Variants in ABCC9 observed in about 807,000 individuals in gnomAD.
ABCC9 encodes ATP-binding cassette sub-family C member 9.
ABCC9 carries 95 observed loss-of-function variants against 188.3 expected under a neutral mutation model. The observed-to-expected ratio is 0.50, with a 90% CI of 0.43 to 0.60. The LOEUF is 0.60. Ranked by LOEUF, ABCC9 falls within the 20% of genes least tolerant of loss-of-function variation. The probability of loss-of-function intolerance (pLI) is 0.00; values close to 1 mark genes in which losing one functional copy is unlikely to be tolerated. For synonymous variants in ABCC9, 659 were observed against 652.7 expected (o/e 1.01, Z -0.15); for missense variants, 1,102 against 1,876.3 (o/e 0.59, Z 7.62).
At chr12:21,841,971 G>A (rs981395569) in intron 29 of ABCC9, among the ~76,000 whole-genome samples, 7 of 152,166 alleles carry the variant, frequency 4.6e-5, no homozygotes, top group Non-Finnish European at 1.0e-4. Flanking sequence ...CCATGGGGAA[G>A]TGATTCCAGG....
Position 21,805,702 on chromosome 12 carries a change from T to C in ABCC9, c.4512+296A>G, listed in dbSNP as rs151243079. On this transcript the variant is annotated intron_variant, in intron 39 of 39. Transcript: ENST00000261200. The stretch of plus-strand genomic sequence containing the variant: ...CAGATTATAGAAAAGAGAATTATTT[T>C]ATATGAACTACCATTTTATCTGGTG... 3.8e-3 allele frequency among the ~76,000 whole-genome samples: 580 copies of C among 152,292 alleles called. No homozygotes were observed. The highest frequency in any genetic ancestry group is 0.013 in the African/African-American group (549 of 41,562).
intron 12 of ABCC9, among the ~76,000 whole-genome samples, chr12:21,902,140 A>G (rs1947789043): frequency 6.6e-6 from 1 of 152,160 alleles, no homozygotes; most frequent in Non-Finnish European, 1.5e-5. Flanking sequence ...AGGATTAAGA[A>G]ACTCACTCAA....
intron 5 of ABCC9, chr12:21,924,746 T>C (rs1247347068): frequency 1.3e-5 from 2 of 152,100 alleles, no homozygotes; most frequent in African/African-American, 4.8e-5. Context: ...ACATATTTTT[T>C]TGCAGCTACT....
At chr12:21,889,056 C>G (rs564462871) in intron 14 of ABCC9, among the ~76,000 whole-genome samples, 41 of 152,212 alleles carry the variant, frequency 2.7e-4, no homozygotes, top group Non-Finnish European at 5.0e-4. Context: ...CCAGACAAGT[C>G]TTCAGAACTT....
intron 16 of ABCC9, among the ~76,000 whole-genome samples, chr12:21,878,759 G>T (rs1486868164): frequency 7.2e-6 from 1 of 138,396 alleles, no homozygotes; most frequent in Non-Finnish European, 1.7e-5. Context: ...GTCACCTTCT[G>T]ATTTGGTGCT....
At chr12:21,923,494 C>T (rs971979022) in intron 5 of ABCC9, 2 of 215,126 alleles carry the variant, frequency 9.3e-6, no homozygotes, top group South Asian at 3.2e-4. Flanking sequence ...TAGCCACATC[C>T]CAAAGATTAA....
At chr12:21,877,230 T>C (rs1298938894) in intron 16 of ABCC9, among the ~76,000 whole-genome samples, 2 of 152,122 alleles carry the variant, frequency 1.3e-5, no homozygotes, top group African/African-American at 4.8e-5. Flanking sequence ...CATTATGGGC[T>C]CAGTACCAAA....
At position 21,801,195 on chromosome 12, in the gene ABCC9, G is replaced by C. The variant is rs771800460; in HGVS notation, c.4513-14C>G. The stretch of plus-strand genomic sequence containing the variant: ...GTGTACTCGATGCTGTGAGTGAAAA[G>C]AAAACATGTATTTGTTACACATTTC... On this transcript the variant is annotated splice_polypyrimidine_tract_variant and intron_variant, in intron 39 of 39. Coordinates refer to ENST00000261200, the MANE Select transcript of ABCC9 (RefSeq NM_020297.4). 4.3e-6 allele frequency: 7 copies of C among 1,613,552 alleles called. No individual in the cohort carries two copies. The highest frequency in any genetic ancestry group is 5.9e-6 in the Non-Finnish European group (7 of 1,179,822).
intron 16 of ABCC9, among the ~76,000 whole-genome samples, chr12:21,879,869 A>T (rs1946538075): frequency 6.6e-6 from 1 of 152,100 alleles, no homozygotes; most frequent in Admixed American, 6.6e-5. Context: ...AAATCCAGTT[A>T]TAAAGACTTG....
intron 12 of ABCC9, among the ~76,000 whole-genome samples, chr12:21,901,315 G>A (rs750494389): frequency 6.6e-6 from 1 of 152,132 alleles, no homozygotes; most frequent in Non-Finnish European, 1.5e-5. Context: ...CAATAAACAT[G>A]GAAGGGAACA....
intron 31 of ABCC9, among the ~76,000 whole-genome samples, chr12:21,818,482 CTATCTATATATA>C (rs1280437500): frequency 7.9e-6 from 1 of 127,224 alleles, no homozygotes; most frequent in African/African-American, 3.3e-5. Context: ...ATATCTATAT[CTATCTATATATA>C]TATCTATATA....
At chr12:21,905,680 T>A (rs1260434145) in intron 12 of ABCC9, among the ~76,000 whole-genome samples, 1 of 152,178 alleles carries the variant, frequency 6.6e-6, no homozygotes, top group Non-Finnish European at 1.5e-5. Context: ...AGTTAAAGGA[T>A]CTTTGGGGAT....
At chr12:21,817,385 C>T (rs574334586) in intron 32 of ABCC9, 78 bp from the exon 33 acceptor site, 45 of 1,435,926 alleles carry the variant, frequency 3.1e-5, no homozygotes, top group Middle Eastern at 1.7e-4. Flanking sequence ...AATTTTGGAA[C>T]GAGATAACTT....
chr12:21,871,461 A>G (rs948365313), intron 18 of ABCC9, among the ~76,000 whole-genome samples: 2 of 152,162 alleles, frequency 1.3e-5, no homozygotes, highest in Admixed American at 6.5e-5. Flanking sequence ...CAGGATTTAC[A>G]CTTCTAATTT....
In ABCC9 at chr12:21,852,357, T is replaced by C. The variant is rs754704774; in HGVS notation, c.2643+11A>G. The C allele has an allele frequency of 7.4e-6, 12 of 1,613,824 alleles. No individual in the cohort carries two copies. The highest frequency in any genetic ancestry group is 1.1e-5 in the South Asian group (1 of 91,086). On this transcript the variant is annotated intron_variant, in intron 23 of 39. Coordinates refer to ENST00000261200, the MANE Select transcript of ABCC9 (RefSeq NM_020297.4). ...TATAAAAATGAGCAAAATTCTCTTC[T>C]AAACTCTTACCCAGTCAGCATGCGT...
At chr12:21,931,849 G>A (rs1253599593) in intron 4 of ABCC9, among the ~76,000 whole-genome samples, 1 of 152,082 alleles carries the variant, frequency 6.6e-6, no homozygotes, top group East Asian at 1.9e-4. Flanking sequence ...GCTTCTAAAT[G>A]TCTGGAGGGA....
At chr12:21,897,702 A>T (rs143982641) in intron 12 of ABCC9, among the ~76,000 whole-genome samples, 2 of 152,282 alleles carry the variant, frequency 1.3e-5, no homozygotes, top group African/African-American at 4.8e-5. Flanking sequence ...TACTGAACAA[A>T]ATAATAAAAC....
rs1026755929 is a variant in ABCC9 at position 21,829,481 on chromosome 12, G to A, written c.3567-421C>T. On this transcript the variant is annotated intron_variant, in intron 30 of 39. Transcript: ENST00000261200. ...CTCCCAAAGTGCTGGGATTACAGGC[G>A]TGTGCCACCGCACCCGGCCCAGTAA... Among the ~76,000 whole-genome samples the A allele has an allele frequency of 9.9e-5, 15 of 152,114 alleles. No homozygotes were observed. The East Asian group carries it at 1.5e-3, about 16-fold the overall frequency.
At position 21,817,285 on chromosome 12, in the gene ABCC9, AC is replaced by A; in HGVS notation, c.3793del (p.Val1265LeufsTer2). 1 of 1,613,718 alleles carries A rather than the reference AC, an allele frequency of 6.2e-7. No homozygotes were observed. The highest frequency in any genetic ancestry group is 1.1e-5 in the South Asian group (1 of 91,066). On this transcript the variant is annotated frameshift_variant, in exon 33 of 40. Transcript: ENST00000261200. LOFTEE classifies it high-confidence loss of function. Reference protein sequence around the residue: ...ALTITNYLNWVVRNLADLEVQ... With the variant: ...ALTITNYLNWXVRNLADLEVQ... ...CTCCAGGTCAGCCAAGTTCCTCACA[AC>A]CCAATTCAAATAATTGGTTATCTGT...
Sources: gnomAD v4.1 joint callset for allele counts (sites outside exome capture counted in the v4.1 genomes callset) on GRCh38, gnomAD v4.1.1 for gene constraint, MANE v1.5 for transcripts, NCBI Gene and HGNC (gene_info 2026-07-23, HGNC 2026-07-21) for gene names.